OSBPL10: variants seen among roughly 807,000 people sequenced by gnomAD.
OSBPL10 encodes the protein oxysterol-binding protein-related protein 10.
A neutral mutation model predicts 81.7 loss-of-function variants in OSBPL10; 49 were observed. The observed-to-expected ratio is 0.60, with a 90% confidence interval of 0.48 to 0.76. The LOEUF is 0.76. Ranked by LOEUF, OSBPL10 falls within the 30% of genes least tolerant of loss-of-function variation. The pLI is 0.00. For synonymous variants in OSBPL10, 419 were observed against 383.6 expected (o/e 1.09, Z -1.08); for missense variants, 923 against 987.8 (o/e 0.93, Z 0.88).
At chr3:31,769,472 A>AC (rs1698308092) in intron 4 of OSBPL10, among the ~76,000 whole-genome samples, 1 of 141,412 alleles carries the variant, frequency 7.1e-6, no homozygotes, top group African/African-American at 2.7e-5. Flanking sequence ...AAAAAAAACA[A>AC]AAAAAAACAG....
At chr3:31,698,381 G>A (rs951294387) in intron 7 of OSBPL10, among the ~76,000 whole-genome samples, 12 of 152,086 alleles carry the variant, frequency 7.9e-5, no homozygotes, top group African/African-American at 2.9e-4. Flanking sequence ...AACCCAGGAG[G>A]TGGAGGTTGC....
chr3:32,044,214 T>C (rs1417735153), intron 2 of OSBPL10, among the ~76,000 whole-genome samples: 1 of 152,034 alleles, frequency 6.6e-6, no homozygotes, highest in Admixed American at 6.6e-5. Context: ...ACAAAATATA[T>C]TGTATTAATT....
chr3:31,995,800 C>T (rs919802445), intron 2 of OSBPL10, among the ~76,000 whole-genome samples: 5 of 152,142 alleles, frequency 3.3e-5, no homozygotes, highest in East Asian at 1.9e-4. Flanking sequence ...CCTGACTTCC[C>T]GTGACACCCC....
chr3:32,008,758 T>C (rs1185310647), intron 2 of OSBPL10, among the ~76,000 whole-genome samples: 1 of 93,338 alleles, frequency 1.1e-5, no homozygotes, highest in Non-Finnish European at 1.9e-5. Flanking sequence ...AGATCCTGAC[T>C]GGAAAAAAAA....
intron 1 of OSBPL10, among the ~76,000 whole-genome samples, chr3:31,945,123 C>G (rs113849767): frequency 0.16 from 23,379 of 142,364 alleles, 2,298 homozygotes; most frequent in South Asian, 0.27. Context: ...TACACTCGAG[C>G]CTGGCGACAG....
intron 4 of OSBPL10, among the ~76,000 whole-genome samples, chr3:31,792,369 A>C (rs1459119948): frequency 6.6e-6 from 1 of 152,216 alleles, no homozygotes; most frequent in Non-Finnish European, 1.5e-5. Flanking sequence ...GTTGTAAAAA[A>C]GCTTTTCCAA....
intron 4 of OSBPL10, among the ~76,000 whole-genome samples, chr3:31,758,991 CTCA>C (rs1697960380): frequency 6.6e-6 from 1 of 152,104 alleles, no homozygotes; most frequent in Non-Finnish European, 1.5e-5. Context: ...AATTATGAAC[CTCA>C]TCATTGTTTA....
At chr3:31,816,656 C>T (rs1699841143) in intron 4 of OSBPL10, among the ~76,000 whole-genome samples, 2 of 152,178 alleles carry the variant, frequency 1.3e-5, no homozygotes, top group Non-Finnish European at 1.5e-5. Flanking sequence ...TCTGTGGCTG[C>T]AGCACCTTGG....
intron 6 of OSBPL10, among the ~76,000 whole-genome samples, chr3:31,728,720 A>G (rs547561506): frequency 4.6e-5 from 7 of 152,302 alleles, no homozygotes; most frequent in African/African-American, 1.7e-4. Flanking sequence ...ATAACAGATC[A>G]ATGGTTGCCA....
At chr3:31,776,147 T>C (rs1016284992) in intron 4 of OSBPL10, among the ~76,000 whole-genome samples, 1 of 152,042 alleles carries the variant, frequency 6.6e-6, no homozygotes, top group Non-Finnish European at 1.5e-5. Context: ...CAAAACTGTG[T>C]GTCAGGTCTT....
At chr3:32,042,084 G>C (rs1699581218) in intron 2 of OSBPL10, among the ~76,000 whole-genome samples, 1 of 152,294 alleles carries the variant, frequency 6.6e-6, no homozygotes, top group East Asian at 1.9e-4. Flanking sequence ...CTGCTATGAG[G>C]AAGGCCCGTG....
intron 4 of OSBPL10, among the ~76,000 whole-genome samples, chr3:31,812,090 C>T (rs532905234): frequency 2.9e-4 from 44 of 152,248 alleles, no homozygotes; most frequent in African/African-American, 9.1e-4. Context: ...TGCAGTGTCG[C>T]GATCTCGGCT....
chr3:32,017,987 A>G (rs1241844999), intron 2 of OSBPL10, among the ~76,000 whole-genome samples: 1 of 151,972 alleles, frequency 6.6e-6, no homozygotes, highest in Non-Finnish European at 1.5e-5. Flanking sequence ...CGTCTCTACT[A>G]AAAATACAAA....
chr3:31,770,325 C>A (rs1698342782), intron 4 of OSBPL10, among the ~76,000 whole-genome samples: 1 of 152,134 alleles, frequency 6.6e-6, no homozygotes, highest in South Asian at 2.1e-4. Flanking sequence ...TCAACAATTT[C>A]AAAGATTAAA....
chr3:31,809,867 C>CTCTTTTTTTTTTTTTT (rs1699628629), intron 4 of OSBPL10, among the ~76,000 whole-genome samples: 2 of 83,460 alleles, frequency 2.4e-5, no homozygotes, highest in African/African-American at 1.7e-4. Flanking sequence ...TGCCCCCTGA[C>CTCTTTTTTTTTTTTTT]TCTTTTTTTT....
chr3:32,013,651 C>T (rs1261231289), intron 2 of OSBPL10, among the ~76,000 whole-genome samples: 1 of 152,056 alleles, frequency 6.6e-6, no homozygotes, highest in Admixed American at 6.6e-5. Flanking sequence ...TCAATGAATC[C>T]AGGAGCTGGT....
At chr3:31,875,594 A>T (rs1395142857) in intron 3 of OSBPL10, among the ~76,000 whole-genome samples, 1 of 150,738 alleles carries the variant, frequency 6.6e-6, no homozygotes, top group African/African-American at 2.4e-5. Context: ...AAATTATTTT[A>T]GTTTGTATTT....
At chr3:31,876,759 A>T (rs796139424) in intron 2 of OSBPL10, among the ~76,000 whole-genome samples, 2 of 152,334 alleles carry the variant, frequency 1.3e-5, no homozygotes, top group South Asian at 2.1e-4. Context: ...AATACCCGTT[A>T]TAAGAATAAT....
chr3:31,677,632 C>T lies in OSBPL10; in HGVS notation c.1726+6002G>A, dbSNP rs142494307. ...GAGGGCCTCAGGAGAGGGTGTTCCA[C>T]GGCTTCTCACCCACGACACTGTGGT... On this transcript the variant is annotated intron_variant, in intron 8 of 11. Transcript: ENST00000396556. 2.6e-3 allele frequency among the ~76,000 whole-genome samples: 400 copies of T among 152,318 alleles called. 1 individual carries two copies. Among genetic ancestry groups the T allele is most frequent in the African/African-American group, 9.1e-3 (378 of 41,570 alleles).
Sources: allele counts gnomAD v4.1 joint callset (sites outside exome capture counted in the v4.1 genomes callset), GRCh38; gene constraint gnomAD v4.1.1; transcripts MANE v1.5; gene names NCBI Gene and HGNC (gene_info 2026-07-23, HGNC 2026-07-21).